The following ARMC2 variants were observed in gnomAD, a reference collection of about 807,000 sequenced individuals.
ARMC2 encodes the protein armadillo repeat-containing protein 2.
Under a neutral mutation model 90.3 loss-of-function variants are expected in ARMC2, and 67 were observed. The observed-to-expected ratio is 0.74, with a 90% CI of 0.61 to 0.91. The LOEUF is 0.91. Ranked by LOEUF, ARMC2 falls within the 40% of genes least tolerant of loss-of-function variation. The probability of loss-of-function intolerance (pLI) is 0.00; values close to 1 mark genes in which losing one functional copy is unlikely to be tolerated. For missense variants in ARMC2, 920 were observed against 1,030.9 expected (o/e 0.89, Z 1.47); for synonymous variants, 393 against 393.0 (o/e 1.00, Z 0.00).
intron 3 of ARMC2, among the ~76,000 whole-genome samples, chr6:108,867,764 T>G (rs376504168): frequency 6.6e-6 from 1 of 151,608 alleles, no homozygotes; most frequent in African/African-American, 2.4e-5. Flanking sequence ...AGAGTGAAAC[T>G]TCATCTCAAA....
At chr6:108,877,837 A>G (rs1055984994) in intron 5 of ARMC2, among the ~76,000 whole-genome samples, 2 of 152,202 alleles carry the variant, frequency 1.3e-5, no homozygotes, top group African/African-American at 2.4e-5. Context: ...TATATATTTT[A>G]TCCCACAAAC....
the ARMC2 span, chr6:109,000,236 A>G: frequency 3.4e-6 from 1 of 293,554 alleles, no homozygotes; most frequent in Admixed American, 5.1e-5. Context: ...GACATTAGGC[A>G]TTTGTCAAAA....
intron 12 of ARMC2, among the ~76,000 whole-genome samples, chr6:108,938,610 T>TTC (rs1308450111): frequency 1.4e-5 from 2 of 147,548 alleles, no homozygotes; most frequent in Non-Finnish European, 3.0e-5. Flanking sequence ...TTTTTTTTTT[T>TTC]TTTTTTTGCT....
Position 108,858,669 on chromosome 6 carries a change from C to G in ARMC2, c.291+398C>G, listed in dbSNP as rs190539034. ...AAAATCATATATATTTATATGTAGT[C>G]TCTCTATATATACATTTACATATAA... is the stretch of plus-strand genomic sequence containing the variant. On this transcript the variant is annotated intron_variant, in intron 3 of 17. Coordinates refer to ENST00000392644, the MANE Select transcript of ARMC2 (RefSeq NM_032131.6). Among the ~76,000 whole-genome samples the G allele has an allele frequency of 6.3e-4, 92 of 145,390 alleles. 1 individual carries two copies. The highest frequency in any genetic ancestry group is 5.0e-3 in the East Asian group (26 of 5,162).
chr6:108,917,423 A>C (rs2128476898), intron 10 of ARMC2, among the ~76,000 whole-genome samples: 1 of 151,458 alleles, frequency 6.6e-6, no homozygotes, highest in African/African-American at 2.4e-5. Context: ...TCCTTCCTTC[A>C]CTCGGTTCCT....
chr6:108,908,645 G>C (rs1030024292), intron 8 of ARMC2, among the ~76,000 whole-genome samples: 1 of 152,004 alleles, frequency 6.6e-6, no homozygotes, highest in African/African-American at 2.4e-5. Flanking sequence ...CTGCTCTGGC[G>C]GCTGAGGCAA....
At chr6:108,984,198 G>A in the ARMC2 span, among the ~76,000 whole-genome samples, 1 of 152,152 alleles carries the variant, frequency 6.6e-6, no homozygotes, top group African/African-American at 2.4e-5. Flanking sequence ...TGTCTTCCAT[G>A]AAACCAGTCC....
At chr6:109,043,603 AAAG>A in the ARMC2 span, among the ~76,000 whole-genome samples, 1 of 152,184 alleles carries the variant, frequency 6.6e-6, no homozygotes, top group African/African-American at 2.4e-5. Context: ...TTTGAAATTA[AAAG>A]AATTACAATA....
chr6:108,890,618 A>T (rs1189635529), intron 5 of ARMC2, among the ~76,000 whole-genome samples: 1 of 152,142 alleles, frequency 6.6e-6, no homozygotes, highest in Non-Finnish European at 1.5e-5. Context: ...ACCCAAGATC[A>T]CAATGCTGAT....
intron 12 of ARMC2, among the ~76,000 whole-genome samples, chr6:108,950,450 A>T (rs1777100379): frequency 6.6e-6 from 1 of 152,244 alleles, no homozygotes; most frequent in Non-Finnish European, 1.5e-5. Flanking sequence ...GCCATAAAAA[A>T]GAGTGAGATC....
rs1054135675 is a variant in ARMC2 at position 108,858,649 on chromosome 6, C to A, written c.291+378C>A. On this transcript the variant is annotated intron_variant, in intron 3 of 17. Coordinates refer to ENST00000392644, the MANE Select transcript of ARMC2 (RefSeq NM_032131.6). ...ATATATCTTATACATATATAAAAAT[C>A]ATATATATTTATATGTAGTCTCTCT... Among the ~76,000 whole-genome samples the A allele has an allele frequency of 5.3e-5, 8 of 150,470 alleles. No homozygotes were observed. In the South Asian group the frequency reaches 6.2e-4, roughly 12 times the overall value.
chr6:108,956,971 G>A lies in ARMC2; in HGVS notation c.1915+3620G>A, dbSNP rs183345870. Among the ~76,000 whole-genome samples the A allele has an allele frequency of 5.7e-4, 87 of 152,288 alleles. No homozygotes were observed. In the East Asian group the frequency reaches 9.3e-3, roughly 16 times the overall value. On this transcript the variant is annotated intron_variant, in intron 13 of 17. Coordinates refer to ENST00000392644, the MANE Select transcript of ARMC2 (RefSeq NM_032131.6). ...CGTACTGTTGCACTCCAGCATGGGCGACAGAGTGAGACTCTCTCTCTAAAG... is the reference window on the plus strand; with the variant it reads ...CGTACTGTTGCACTCCAGCATGGGCAACAGAGTGAGACTCTCTCTCTAAAG...
At chr6:108,852,445 C>T (rs972137469) in intron 1 of ARMC2, among the ~76,000 whole-genome samples, 1 of 152,110 alleles carries the variant, frequency 6.6e-6, no homozygotes, top group Non-Finnish European at 1.5e-5. Flanking sequence ...ATTTTTAGCC[C>T]TGTATCTACA....
At chr6:109,012,943 G>A in the ARMC2 span, among the ~76,000 whole-genome samples, 2 of 151,316 alleles carry the variant, frequency 1.3e-5, no homozygotes, top group African/African-American at 2.4e-5. Context: ...GTGAAACCCC[G>A]TCTCTACTGA....
the ARMC2 span, among the ~76,000 whole-genome samples, chr6:109,023,206 G>A: frequency 6.6e-6 from 1 of 152,094 alleles, no homozygotes; most frequent in Admixed American, 6.6e-5. Context: ...CAACTTTCTT[G>A]ATTCCATTTA....
At chr6:109,009,466 C>A in the ARMC2 span, 1 of 1,279,720 alleles carries the variant, frequency 7.8e-7, no homozygotes. Context: ...CGCATGTCGG[C>A]GCGGGGACGG....
the ARMC2 span, among the ~76,000 whole-genome samples, chr6:109,003,012 T>C: frequency 2.0e-5 from 3 of 152,072 alleles, no homozygotes; most frequent in African/African-American, 7.2e-5. Flanking sequence ...AGAAATAGTT[T>C]TCTGACATTT....
At chr6:108,888,792 C>T (rs1194035867) in intron 5 of ARMC2, among the ~76,000 whole-genome samples, 2 of 152,172 alleles carry the variant, frequency 1.3e-5, no homozygotes, top group African/African-American at 2.4e-5. Context: ...CCTTGACTTA[C>T]GGAACCTCTT....
At chr6:108,865,803 A>T (rs950779774) in intron 3 of ARMC2, among the ~76,000 whole-genome samples, 2 of 152,006 alleles carry the variant, frequency 1.3e-5, no homozygotes, top group Admixed American at 1.3e-4. Flanking sequence ...AGAGCTTTTG[A>T]GCTCAGGAGT....
Sources: allele counts gnomAD v4.1 joint callset (sites outside exome capture counted in the v4.1 genomes callset), GRCh38; gene constraint gnomAD v4.1.1; transcripts MANE v1.5; gene names NCBI Gene and HGNC (gene_info 2026-07-23, HGNC 2026-07-21).